Variants in ZNF704 observed in about 807,000 individuals in gnomAD.
ZNF704 encodes zinc finger protein 704, also known as glucocorticoid induced gene 1.
In ZNF704, 10 loss-of-function variants were observed where a neutral mutation model predicts 44.7. That is an observed-to-expected ratio of 0.22 (90% CI 0.14 to 0.38). The LOEUF (loss-of-function observed/expected upper bound fraction) is 0.38. Among genes scored for constraint, ZNF704 ranks in the 10% least tolerant of loss-of-function variants. The pLI, the probability that ZNF704 is intolerant of heterozygous loss-of-function variation, is 1.00. For missense variants in ZNF704, 390 were observed against 545.5 expected (o/e 0.71, Z 2.84); for synonymous variants, 211 against 207.6 (o/e 1.02, Z -0.14).
At chr8:80,742,091 G>C (rs1806767692) in intron 2 of ZNF704, among the ~76,000 whole-genome samples, 2 of 152,100 alleles carry the variant, frequency 1.3e-5, no homozygotes, top group Non-Finnish European at 2.9e-5. Context: ...GATTATTATT[G>C]GCTCTACAGA....
At chr8:80,698,207 T>C (rs932127016) in intron 2 of ZNF704, among the ~76,000 whole-genome samples, 3 of 152,216 alleles carry the variant, frequency 2.0e-5, no homozygotes, top group Non-Finnish European at 2.9e-5. Flanking sequence ...AACTAGACCT[T>C]AATCAAACAC....
chr8:80,801,548 C>T (rs775133232), intron 2 of ZNF704, among the ~76,000 whole-genome samples: 2 of 152,252 alleles, frequency 1.3e-5, no homozygotes, highest in Non-Finnish European at 2.9e-5. Flanking sequence ...AATTGAACAA[C>T]CTGTTCATGA....
chr8:80,667,720 C>A (rs1259591028), intron 5 of ZNF704, among the ~76,000 whole-genome samples: 3 of 152,154 alleles, frequency 2.0e-5, no homozygotes, highest in Admixed American at 1.3e-4. Context: ...ATGGAGCTGA[C>A]GTTGTTGTGG....
chr8:80,717,484 G>C (rs967685044), intron 2 of ZNF704, among the ~76,000 whole-genome samples: 2 of 152,186 alleles, frequency 1.3e-5, no homozygotes, highest in Admixed American at 1.3e-4. Context: ...AACTACAAAT[G>C]GAAATAGTAA....
intron 2 of ZNF704, among the ~76,000 whole-genome samples, chr8:80,706,365 A>G (rs1463288772): frequency 6.6e-6 from 1 of 152,146 alleles, no homozygotes; most frequent in African/African-American, 2.4e-5. Context: ...TTTTTTTAAT[A>G]GAAAAAACAG....
chr8:80,693,186 G>A (rs1585958328), intron 2 of ZNF704, 79 bp from the exon 3 acceptor site: 21 of 1,184,696 alleles, frequency 1.8e-5, no homozygotes, highest in Middle Eastern at 1.9e-4. Context: ...ACGCTGTCAC[G>A]CATTTACTCC....
At chr8:80,681,283 T>C (rs1442724344) in intron 4 of ZNF704, among the ~76,000 whole-genome samples, 1 of 152,224 alleles carries the variant, frequency 6.6e-6, no homozygotes, top group African/African-American at 2.4e-5. Context: ...TATTTAACTT[T>C]CTAAGAAACT....
At chr8:80,660,219 T>C (rs997099815) in intron 6 of ZNF704, among the ~76,000 whole-genome samples, 2 of 152,168 alleles carry the variant, frequency 1.3e-5, no homozygotes, top group Admixed American at 1.3e-4. Flanking sequence ...ATGCCTGTAA[T>C]CCCAGCACTT....
intron 1 of ZNF704, among the ~76,000 whole-genome samples, chr8:80,859,901 T>C (rs1809030191): frequency 6.6e-6 from 1 of 152,182 alleles, no homozygotes; most frequent in Admixed American, 6.5e-5. Context: ...TACATGTATT[T>C]AAGAGTTTCT....
intron 2 of ZNF704, among the ~76,000 whole-genome samples, chr8:80,733,893 C>T (rs751165033): frequency 6.6e-6 from 1 of 152,072 alleles, no homozygotes; most frequent in African/African-American, 2.4e-5. Flanking sequence ...TTGAACCCTA[C>T]AAAAAAGTGG....
At chr8:80,793,866 C>T (rs1226838816) in intron 2 of ZNF704, among the ~76,000 whole-genome samples, 1 of 152,104 alleles carries the variant, frequency 6.6e-6, no homozygotes, top group Non-Finnish European at 1.5e-5. Context: ...AAAGCAACTG[C>T]TTATCTAAGA....
At chr8:80,833,957 A>G (rs1296949425) in intron 1 of ZNF704, among the ~76,000 whole-genome samples, 2 of 152,196 alleles carry the variant, frequency 1.3e-5, no homozygotes, top group Non-Finnish European at 2.9e-5. Context: ...CTGTTTAAGC[A>G]GTTCTTAACT....
At chr8:80,853,677 G>A (rs1428682092) in intron 1 of ZNF704, among the ~76,000 whole-genome samples, 3 of 152,124 alleles carry the variant, frequency 2.0e-5, no homozygotes, top group South Asian at 4.1e-4. Flanking sequence ...AAAGGTGACA[G>A]GAAAATCATC....
At chr8:80,680,281 A>G (rs1407023669) in intron 4 of ZNF704, among the ~76,000 whole-genome samples, 3 of 152,276 alleles carry the variant, frequency 2.0e-5, no homozygotes, top group Non-Finnish European at 4.4e-5. Flanking sequence ...GCTATATTCT[A>G]GAAAGCACAT....
At chr8:80,848,203 G>C (rs975362267) in intron 1 of ZNF704, among the ~76,000 whole-genome samples, 1 of 152,158 alleles carries the variant, frequency 6.6e-6, no homozygotes, top group African/African-American at 2.4e-5. Context: ...TCATAGAAAT[G>C]GAAAACAGAT....
At chr8:80,666,001 A>T (rs1401522779) in intron 5 of ZNF704, among the ~76,000 whole-genome samples, 1 of 151,848 alleles carries the variant, frequency 6.6e-6, no homozygotes. Context: ...TTTAGGGTAC[A>T]TGTGCACATT....
chr8:80,856,813 C>T (rs1808970131), intron 1 of ZNF704, among the ~76,000 whole-genome samples: 1 of 152,102 alleles, frequency 6.6e-6, no homozygotes, highest in Admixed American at 6.5e-5. Context: ...TCTTGCTTTT[C>T]AAAATTGTTT....
chr8:80,770,082 T>A (rs1453660609), intron 2 of ZNF704, among the ~76,000 whole-genome samples: 1 of 152,128 alleles, frequency 6.6e-6, no homozygotes, highest in African/African-American at 2.4e-5. Flanking sequence ...TTCACCATCA[T>A]GAGAACAGCA....
chr8:80,848,901 C>T (rs111992388), intron 1 of ZNF704, among the ~76,000 whole-genome samples: 152 of 152,246 alleles, frequency 1.0e-3, no homozygotes, highest in Middle Eastern at 6.8e-3. Flanking sequence ...TGAGATTATA[C>T]TATTAGTTAA....
Sources: gnomAD v4.1 joint callset for allele counts (sites outside exome capture counted in the v4.1 genomes callset) on GRCh38, gnomAD v4.1.1 for gene constraint, MANE v1.5 for transcripts, NCBI Gene and HGNC (gene_info 2026-07-23, HGNC 2026-07-21) for gene names.